RAPGEF2: variants seen among roughly 807,000 people sequenced by gnomAD.
RAPGEF2 encodes Rap guanine nucleotide exchange factor 2, also known as PDZ domain containing guanine nucleotide exchange factor (GEF) 1.
In RAPGEF2, 54 loss-of-function variants were observed where a neutral mutation model predicts 186.7. The observed-to-expected ratio is 0.29, with a 90% CI of 0.23 to 0.36. The LOEUF is 0.36. Ranked by LOEUF, RAPGEF2 falls within the 10% of genes least tolerant of loss-of-function variation. RAPGEF2 has a pLI of 1.00. For missense variants in RAPGEF2, 1,532 were observed against 2,045.0 expected (o/e 0.75, Z 4.84); for synonymous variants, 712 against 705.9 (o/e 1.01, Z -0.14).
Position 159,300,631 on chromosome 4 carries a change from A to T in RAPGEF2, c.544-3711A>T, listed in dbSNP as rs1042734426. Among the ~76,000 whole-genome samples the T allele has an allele frequency of 2.0e-5, 3 of 147,598 alleles. No homozygotes were observed. The Admixed American group carries it at 2.1e-4, about 10-fold the overall frequency. On this transcript the variant is annotated intron_variant, in intron 7 of 29. Transcript: ENST00000691494. Reference sequence around the variant, plus strand: ...TTACTGTATATTTCTAGCTTTATAAATTTTATTTTTTGAACAGAATTTCTG... The same window carrying T: ...TTACTGTATATTTCTAGCTTTATAATTTTTATTTTTTGAACAGAATTTCTG...
chr4:159,162,035 G>A (rs769703211), intron 1 of RAPGEF2, among the ~76,000 whole-genome samples: 3 of 152,088 alleles, frequency 2.0e-5, no homozygotes, highest in Non-Finnish European at 4.4e-5. Context: ...AAAGTAAACC[G>A]TAAATTTTGT....
intron 7 of RAPGEF2, chr4:159,267,647 A>G: frequency 1.5e-6 from 1 of 665,352 alleles, no homozygotes. Flanking sequence ...AGGGTTCTGT[A>G]TGTGTGATTG....
chr4:159,217,165 TATTTTA>T (rs1171545532), intron 4 of RAPGEF2, among the ~76,000 whole-genome samples: 2 of 152,160 alleles, frequency 1.3e-5, no homozygotes, highest in Non-Finnish European at 2.9e-5. Context: ...TGGGATTATT[TATTTTA>T]ATTTTGATTT....
intron 1 of RAPGEF2, among the ~76,000 whole-genome samples, chr4:159,176,266 T>A (rs1373282666): frequency 6.6e-6 from 1 of 152,154 alleles, no homozygotes; most frequent in Non-Finnish European, 1.5e-5. Flanking sequence ...GGTTTGAACA[T>A]GGTGTGCTTG....
chr4:159,278,969 T>A (rs1403290346), intron 7 of RAPGEF2, among the ~76,000 whole-genome samples: 1 of 152,200 alleles, frequency 6.6e-6, no homozygotes, highest in Non-Finnish European at 1.5e-5. Flanking sequence ...ACACTTGATG[T>A]TTCCCTTTCC....
At chr4:159,125,681 A>G (rs536615960) in intron 1 of RAPGEF2, among the ~76,000 whole-genome samples, 18 of 151,620 alleles carry the variant, frequency 1.2e-4, no homozygotes, top group Non-Finnish European at 2.2e-4. Context: ...TGGCGTGAAC[A>G]TGGGTGGCAG....
chr4:159,164,027 C>T (rs985795726), intron 1 of RAPGEF2, among the ~76,000 whole-genome samples: 13 of 149,228 alleles, frequency 8.7e-5, no homozygotes, highest in South Asian at 4.2e-4. Flanking sequence ...TTTTTTGAGA[C>T]GGAGTCTCGC....
intron 2 of RAPGEF2, among the ~76,000 whole-genome samples, chr4:159,186,980 ATTG>A (rs1192193788): frequency 5.3e-5 from 8 of 152,150 alleles, no homozygotes; most frequent in Admixed American, 6.5e-5. Context: ...TACACCACAA[ATTG>A]TTGTTAATGA....
intron 1 of RAPGEF2, among the ~76,000 whole-genome samples, chr4:159,122,134 ATAAC>A (rs1457039980): frequency 6.6e-6 from 1 of 151,974 alleles, no homozygotes; most frequent in African/African-American, 2.4e-5. Flanking sequence ...ATATATTTAG[ATAAC>A]TAGTCTATTT....
intron 1 of RAPGEF2, among the ~76,000 whole-genome samples, chr4:159,113,864 A>G (rs1738762441): frequency 6.6e-6 from 1 of 152,092 alleles, no homozygotes; most frequent in African/African-American, 2.4e-5. Context: ...TGGTTGAGGC[A>G]GTATATTTAT....
At chr4:159,191,784 AG>A (rs571327663) in intron 2 of RAPGEF2, among the ~76,000 whole-genome samples, 328 of 152,282 alleles carry the variant, frequency 2.2e-3, no homozygotes, top group African/African-American at 7.3e-3. Context: ...CAACTCTAAA[AG>A]ATTTTCTGTG....
intron 3 of RAPGEF2, among the ~76,000 whole-genome samples, chr4:159,197,487 A>G (rs1262776614): frequency 6.6e-6 from 1 of 152,228 alleles, no homozygotes; most frequent in Non-Finnish European, 1.5e-5. Flanking sequence ...CCTGTTTTCC[A>G]CATACATGTG....
chr4:159,288,012 G>C (rs553511198), intron 7 of RAPGEF2, among the ~76,000 whole-genome samples: 1 of 152,266 alleles, frequency 6.6e-6, no homozygotes, highest in Non-Finnish European at 1.5e-5. Flanking sequence ...TGTCTTGTTA[G>C]GTAGGCAGTA....
intron 4 of RAPGEF2, among the ~76,000 whole-genome samples, chr4:159,229,977 A>C (rs971126401): frequency 1.3e-5 from 2 of 152,166 alleles, no homozygotes; most frequent in Admixed American, 1.3e-4. Context: ...TCTAGTTGTC[A>C]TCTTGTGGTT....
intron 1 of RAPGEF2, among the ~76,000 whole-genome samples, chr4:159,167,381 G>A (rs1745440166): frequency 6.6e-6 from 1 of 152,192 alleles, no homozygotes; most frequent in South Asian, 2.1e-4. Flanking sequence ...GAGTCCAGGA[G>A]TCAGTTGTAA....
At chr4:159,203,554 C>T (rs1043287661) in intron 3 of RAPGEF2, among the ~76,000 whole-genome samples, 1 of 152,078 alleles carries the variant, frequency 6.6e-6, no homozygotes, top group East Asian at 1.9e-4. Flanking sequence ...TAACCTGGAA[C>T]TAGAAGGATG....
chr4:159,172,865 A>T (rs767866516), intron 1 of RAPGEF2, among the ~76,000 whole-genome samples: 3 of 151,580 alleles, frequency 2.0e-5, no homozygotes, highest in Non-Finnish European at 4.4e-5. Flanking sequence ...ATTCAGTAAT[A>T]CCCAGCATTT....
intron 1 of RAPGEF2, among the ~76,000 whole-genome samples, chr4:159,110,548 AGC>A (rs2111060065): frequency 1.3e-5 from 2 of 152,334 alleles, no homozygotes; most frequent in South Asian, 4.1e-4. Context: ...ATTGCACTCC[AGC>A]CTGGGTAACA....
chr4:159,210,436 TG>T, intron 3 of RAPGEF2, 63 bp from the exon 4 acceptor site: 1 of 1,095,878 alleles, frequency 9.1e-7, no homozygotes, highest in Non-Finnish European at 1.3e-6. Context: ...TTGTGCTATA[TG>T]TTTTAATTTT....
Sources: allele counts gnomAD v4.1 joint callset (sites outside exome capture counted in the v4.1 genomes callset), GRCh38; gene constraint gnomAD v4.1.1; transcripts MANE v1.5; gene names NCBI Gene and HGNC (gene_info 2026-07-23, HGNC 2026-07-21).